The following PIK3C2B variants were observed in gnomAD, a reference collection of about 807,000 sequenced individuals.
PIK3C2B encodes the protein phosphatidylinositol 4-phosphate 3-kinase C2 domain-containing subunit beta.
In PIK3C2B, 83 loss-of-function variants were observed where a neutral mutation model predicts 184.3. The observed-to-expected ratio is 0.45, with a 90% CI of 0.38 to 0.54. PIK3C2B has a LOEUF of 0.54. PIK3C2B is among the 20% of genes least tolerant of loss of function. The pLI is 0.00. For synonymous variants in PIK3C2B, 779 were observed against 837.6 expected (o/e 0.93, Z 1.21); for missense variants, 1,736 against 2,113.5 (o/e 0.82, Z 3.50).
intron 21 of PIK3C2B, 57 bp downstream of exon 21, chr1:204,441,414 G>A: frequency 8.8e-7 from 1 of 1,131,186 alleles, no homozygotes; most frequent in Non-Finnish European, 1.3e-6. Context: ...TGCCACTCTA[G>A]GCTGCCTCCT....
At chr1:204,463,497 C>A (rs188037205) in intron 5 of PIK3C2B, among the ~76,000 whole-genome samples, 4 of 152,108 alleles carry the variant, frequency 2.6e-5, no homozygotes, top group Non-Finnish European at 5.9e-5. Context: ...GCTGGAGGCA[C>A]GCCTTTGGGA....
Position 204,444,415 on chromosome 1 carries a change from G to A in PIK3C2B, c.2688C>T (p.Asp896=). The A allele has an allele frequency of 6.2e-7, 1 of 1,612,832 alleles. No homozygotes were observed. The highest frequency in any genetic ancestry group is 8.5e-7 in the Non-Finnish European group (1 of 1,179,420). The part of the protein sequence containing the change: ...ALGLLHATFP[D]QEVRRMAVQW... ...GCACAGCCATACGACGCACCTCCTG[G>A]TCCGGGAAGCTGCAAAACAGAGCCC... The change falls in exon 17 of 33, where the codon GAC becomes GAT. Residue 896 remains aspartate, a synonymous_variant. Coordinates refer to ENST00000684373, the MANE Select transcript of PIK3C2B (RefSeq NM_001377334.1).
At position 204,481,840 on chromosome 1, in the gene PIK3C2B, C is replaced by T. The variant is rs917856081; in HGVS notation, c.-84-11954G>A. ...CTAAATCAGGAAGGTGTAAAGAAGC[C>T]GTGGGGTCCCCACAGACCAGGGTAG... is the stretch of plus-strand genomic sequence containing the variant. On this transcript the variant is annotated intron_variant, in intron 1 of 32. Coordinates refer to ENST00000684373, the MANE Select transcript of PIK3C2B (RefSeq NM_001377334.1). Among the ~76,000 whole-genome samples the T allele has an allele frequency of 3.9e-5, 6 of 152,286 alleles. No individual in the cohort carries two copies. The East Asian group carries it at 5.8e-4, about 15-fold the overall frequency.
intron 1 of PIK3C2B, chr1:204,489,994 T>C: frequency 2.5e-6 from 1 of 397,362 alleles, no homozygotes; most frequent in Non-Finnish European, 4.4e-6. Context: ...AGCTTCTTCC[T>C]GGTGGGCTTG....
In PIK3C2B at chr1:204,469,776, T is replaced by C. The variant is rs762849976; in HGVS notation, c.27A>G (p.Glu9=). The change falls in exon 2 of 33, where the codon GAA becomes GAG. Residue 9 remains glutamate (E), a synonymous_variant. Coordinates refer to ENST00000684373, the MANE Select transcript of PIK3C2B (RefSeq NM_001377334.1). The part of the protein sequence containing the change: MSSTQGNG[E]HWKSLESVGI... ...CCACTGACTCCAGGGACTTCCAGTG[T>C]TCCCCATTGCCCTGAGTCGAAGACA... 1.2e-6 allele frequency: 2 copies of C among 1,613,832 alleles called. No individual in the cohort carries two copies. Among genetic ancestry groups the C allele is most frequent in the Non-Finnish European group, 8.5e-7 (1 of 1,179,768 alleles).
chr1:204,450,416 TC>T (rs1485860545), intron 12 of PIK3C2B, among the ~76,000 whole-genome samples: 1 of 152,026 alleles, frequency 6.6e-6, no homozygotes, highest in Non-Finnish European at 1.5e-5. Flanking sequence ...ACTCCTTTTG[TC>T]CTCCTTTTCC....
In PIK3C2B at chr1:204,452,542, G is replaced by C. The variant is rs779659229; in HGVS notation, c.2066+2127C>G. ...GTAATTGTGACCAAAAAATCCCAAG[G>C]GAATGGTGGAACTCAAGGGCCATTT... On this transcript the variant is annotated intron_variant, in intron 12 of 32. Coordinates refer to ENST00000684373, the MANE Select transcript of PIK3C2B (RefSeq NM_001377334.1). Among the ~76,000 whole-genome samples, 7 of 150,646 alleles carry C rather than the reference G, an allele frequency of 4.6e-5. No homozygotes were observed. In the South Asian group the frequency reaches 1.1e-3, roughly 23 times the overall value.
In PIK3C2B at chr1:204,449,975, T is replaced by C. The variant is rs769926681; in HGVS notation, c.2109A>G (p.Thr703=). 2.2e-5 allele frequency: 36 copies of C among 1,600,776 alleles called. No individual in the cohort carries two copies. The highest frequency in any genetic ancestry group is 2.9e-5 in the Non-Finnish European group (34 of 1,173,632). The change falls in exon 13 of 33, where the codon ACA becomes ACG. Residue 703 remains threonine, a synonymous_variant. Transcript: ENST00000684373. The stretch of plus-strand genomic sequence containing the variant: ...GAGCATAGAGAGTGGCACACAGCAG[T>C]GTCTCCCGAGGCAGCCGGTTCACCT... ...PVQVNRLPRE[T]LLCATLYALP...
At chr1:204,450,201 C>T (rs530603169) in intron 12 of PIK3C2B, 184 bp from the exon 13 acceptor site, 1 of 556,742 alleles carries the variant, frequency 1.8e-6, no homozygotes, top group African/African-American at 1.9e-5. Flanking sequence ...GCAAAACCCC[C>T]ACTGGATGTT....
chr1:204,455,095 T>A (rs953258049), intron 11 of PIK3C2B, among the ~76,000 whole-genome samples: 2 of 152,250 alleles, frequency 1.3e-5, no homozygotes, highest in African/African-American at 4.8e-5. Flanking sequence ...ATGGAGCGTC[T>A]GTGTGTGCGT....
In PIK3C2B at chr1:204,469,156, C is replaced by A. The variant is rs1440611517; in HGVS notation, c.647G>T (p.Gly216Val). 1.2e-6 allele frequency: 2 copies of A among 1,614,076 alleles called. No homozygotes were observed. Among genetic ancestry groups the A allele is most frequent in the East Asian group, 4.5e-5 (2 of 44,890 alleles). Residue 216 changes from glycine (G) to valine (V), a missense_variant, in exon 2 of 33, where the codon GGT becomes GTT. This residue lies in a region of PIK3C2B where 404 missense variants were observed against 418.0 expected (regional missense o/e 0.97). Coordinates refer to ENST00000684373, the MANE Select transcript of PIK3C2B (RefSeq NM_001377334.1). Reference sequence around the variant, plus strand: ...CCCCAGTAGGCGCCCCTGACCCCCACCTCCCAGCACCTCTTCCTCTTCTAG... The same window carrying A: ...CCCCAGTAGGCGCCCCTGACCCCCAACTCCCAGCACCTCTTCCTCTTCTAG... Reference protein sequence around the residue: ...RILEEEEVLGGGGQGRLLGSV... With the variant: ...RILEEEEVLGVGGQGRLLGSV...
chr1:204,431,606 C>A (rs1182855482), intron 28 of PIK3C2B, 63 bp downstream of exon 28: 13 of 1,601,036 alleles, frequency 8.1e-6, no homozygotes, highest in Non-Finnish European at 1.1e-5. Flanking sequence ...TGACCACCTC[C>A]CATCCCGTAT....
intron 1 of PIK3C2B, among the ~76,000 whole-genome samples, chr1:204,477,443 G>C (rs986979523): frequency 2.6e-5 from 4 of 152,202 alleles, no homozygotes; most frequent in African/African-American, 7.2e-5. Flanking sequence ...GTCGGTGCCA[G>C]GGTCTGAGCT....
intron 16 of PIK3C2B, among the ~76,000 whole-genome samples, chr1:204,444,924 C>T (rs1653719202): frequency 6.6e-6 from 1 of 152,176 alleles, no homozygotes; most frequent in African/African-American, 2.4e-5. Flanking sequence ...CTCAAAAACT[C>T]CTTAAGGCAG....
At chr1:204,455,790 A>T in intron 11 of PIK3C2B, 66 bp downstream of exon 11, 1 of 1,242,574 alleles carries the variant, frequency 8.0e-7, no homozygotes, top group Non-Finnish European at 1.1e-6. Flanking sequence ...ACATGCAGAT[A>T]GGAAAAAGCC....
Position 204,446,108 on chromosome 1 carries a change from C to T in PIK3C2B, c.2526G>A (p.Lys842=). The T allele has an allele frequency of 6.3e-7, 1 of 1,587,758 alleles. No homozygotes were observed. The highest frequency in any genetic ancestry group is 2.3e-5 in the East Asian group (1 of 44,340). ...TDADKKRLWE[K]RYYCHSEVSS... is the part of the protein sequence containing the mutation. ...TCACCTCCGAGTGGCAGTAATATCGCTTCTCCCACAGGCGCTTCTTGTCAG... is the reference window on the plus strand; with the variant it reads ...TCACCTCCGAGTGGCAGTAATATCGTTTCTCCCACAGGCGCTTCTTGTCAG... The change falls in exon 16 of 33, where the codon AAG becomes AAA. Residue 842 remains lysine (K), a synonymous_variant. Coordinates refer to ENST00000684373, the MANE Select transcript of PIK3C2B (RefSeq NM_001377334.1).
rs1239473683 is a variant in PIK3C2B at position 204,422,869 on chromosome 1, C to T, written c.*1983G>A. ...CCCTCCTGGAAGCAGCCAGCTTTAT[C>T]CTTGGCATTTTAATTTTAGAGAAAA... On this transcript the variant is annotated 3_prime_UTR_variant, in exon 33 of 33. Transcript: ENST00000684373. 6.6e-6 allele frequency: 1 copy of T among 152,618 alleles called. No individual in the cohort carries two copies. Among genetic ancestry groups the T allele is most frequent in the Non-Finnish European group, 1.5e-5 (1 of 68,030 alleles). 9.5% of individuals were successfully genotyped at this position (152,618 alleles called of 1,614,324 possible).
chr1:204,446,167 A>G (rs1217661951), intron 15 of PIK3C2B, 23 bp from the exon 16 acceptor site: 1 of 1,518,706 alleles, frequency 6.6e-7, no homozygotes, highest in Non-Finnish European at 8.9e-7. Flanking sequence ...CGGAAAGGAG[A>G]AGGTGGTGGG....
At chr1:204,456,146 A>C (rs934466138) in intron 10 of PIK3C2B, 95 bp from the exon 11 acceptor site, 29 of 937,086 alleles carry the variant, frequency 3.1e-5, no homozygotes, top group Non-Finnish European at 4.7e-6. Flanking sequence ...GGCCTAAGAC[A>C]GTGGTCCCCA....
Sources: gnomAD v4.1 joint callset for allele counts (sites outside exome capture counted in the v4.1 genomes callset) on GRCh38, gnomAD v4.1.1 for gene constraint, gnomAD v4.1.1 regional missense constraint, MANE v1.5 for transcripts, NCBI Gene and HGNC (gene_info 2026-07-23, HGNC 2026-07-21) for gene names.